ABLIM2: variants seen among roughly 807,000 people sequenced by gnomAD.
ABLIM2 encodes the protein actin-binding LIM protein 2.
In ABLIM2, 53 loss-of-function variants were observed where a neutral mutation model predicts 97.7. That is an observed-to-expected ratio of 0.54 (90% confidence interval 0.44 to 0.68). The LOEUF is 0.68. ABLIM2 is among the 30% of genes least tolerant of loss of function. The probability of loss-of-function intolerance (pLI) is 0.00; values close to 1 mark genes in which losing one functional copy is unlikely to be tolerated. For missense variants in ABLIM2, 835 were observed against 867.2 expected, an observed-to-expected ratio of 0.96 and a Z score of 0.47; for synonymous variants, 361 against 345.8, an observed-to-expected ratio of 1.04 and a Z score of -0.49.
At position 8,033,762 on chromosome 4, in the gene ABLIM2, C is replaced by T. The variant is rs1782491686; in HGVS notation, c.1047+2387G>A. ...CAGATGTCCTGCCATTTGAGAGGCG[C>T]AGCCCCAGAGAGGCTGAAAGAAACC... On this transcript the variant is annotated intron_variant, in intron 10 of 20. Transcript: ENST00000447017. This position sits in a 1 kb window ranked among gnomAD's most constrained non-coding sequence, Gnocchi z 4.5. 6.6e-6 allele frequency among the ~76,000 whole-genome samples: 1 copy of T among 152,234 alleles called. No homozygotes were observed. The highest frequency in any genetic ancestry group is 1.5e-5 in the Non-Finnish European group (1 of 68,042).
rs749897170 is a variant in ABLIM2 at position 8,044,770 on chromosome 4, G to A, written c.900+394C>T. ...TAGGGAACACGCTGGGAGAGCGTGC[G>A]TGTTGATGTACACAGATCCGTGCCG... is the stretch of plus-strand genomic sequence containing the variant. On this transcript the variant is annotated intron_variant, in intron 9 of 20. Coordinates refer to ENST00000447017, the MANE Select transcript of ABLIM2 (RefSeq NM_001130083.2). The surrounding 1 kb of genome is among the most constrained non-coding windows in gnomAD (Gnocchi z 4.4). 3.3e-5 allele frequency among the ~76,000 whole-genome samples: 5 copies of A among 152,062 alleles called. No homozygotes were observed. Among genetic ancestry groups the A allele is most frequent in the Non-Finnish European group, 7.3e-5 (5 of 68,036 alleles).
chr4:8,086,975 C>T (rs550438878), intron 4 of ABLIM2, among the ~76,000 whole-genome samples: 2 of 152,160 alleles, frequency 1.3e-5, no homozygotes, highest in East Asian at 3.9e-4. Flanking sequence ...TGCTTTGGCT[C>T]ACAGAGTCAA....
At position 8,148,903 on chromosome 4, in the gene ABLIM2, C is replaced by T. The variant is rs557201266; in HGVS notation, c.10+9777G>A. The stretch of plus-strand genomic sequence containing the variant: ...AAGAAACCTGGGCTCCGCAGGCACC[C>T]GGGAGATCAGGCCACGCCAGGACCC... On this transcript the variant is annotated intron_variant, in intron 1 of 20. Coordinates refer to ENST00000447017, the MANE Select transcript of ABLIM2 (RefSeq NM_001130083.2). The surrounding 1 kb of genome is among the most constrained non-coding windows in gnomAD (Gnocchi z 6.7). 3.9e-5 allele frequency among the ~76,000 whole-genome samples: 6 copies of T among 152,302 alleles called. No homozygotes were observed. The highest frequency in any genetic ancestry group is 2.1e-4 in the South Asian group (1 of 4,818).
chr4:8,133,061 C>T lies in ABLIM2; in HGVS notation c.10+25619G>A, dbSNP rs1374265250. On this transcript the variant is annotated intron_variant, in intron 1 of 20. Coordinates refer to ENST00000447017, the MANE Select transcript of ABLIM2 (RefSeq NM_001130083.2). ...GGGGCTCTGGGAAGGACCTTCCTGG[C>T]CTCTTCCCGCTTCTGCTGGCAGCCG... Among the ~76,000 whole-genome samples, 3 of 152,156 alleles carry T rather than the reference C, an allele frequency of 2.0e-5. No individual in the cohort carries two copies. In the East Asian group the frequency reaches 5.8e-4, roughly 29 times the overall value.
Position 8,149,059 on chromosome 4 carries a change from G to A in ABLIM2, c.10+9621C>T, listed in dbSNP as rs1711639362. On this transcript the variant is annotated intron_variant, in intron 1 of 20. Coordinates refer to ENST00000447017, the MANE Select transcript of ABLIM2 (RefSeq NM_001130083.2). This position sits in a 1 kb window ranked among gnomAD's most constrained non-coding sequence, Gnocchi z 6.4. ...GCAGATCCAGCCAGAGTGTGAAGGG[G>A]TCTGTAGGGCTGGGGCCATCTGGAG... 1.3e-5 allele frequency among the ~76,000 whole-genome samples: 2 copies of A among 152,184 alleles called. No homozygotes were observed. The highest frequency in any genetic ancestry group is 1.3e-4 in the Admixed American group (2 of 15,290).
chr4:8,030,000 C>G (rs1560761973), intron 10 of ABLIM2, among the ~76,000 whole-genome samples: 1 of 152,190 alleles, frequency 6.6e-6, no homozygotes. Flanking sequence ...GGATCCTTGC[C>G]ACAGGGTGTG....
At chr4:7,974,595 T>C (rs1237135959) in intron 20 of ABLIM2, among the ~76,000 whole-genome samples, 25 of 6,092 alleles carry the variant, frequency 4.1e-3, no homozygotes, top group East Asian at 0.011. Flanking sequence ...ATCCATCCAA[T>C]CCTACCATCC....
intron 20 of ABLIM2, among the ~76,000 whole-genome samples, chr4:7,968,986 G>A (rs185956796): frequency 1.6e-3 from 244 of 151,930 alleles, no homozygotes; most frequent in Non-Finnish European, 2.4e-3. Context: ...ACAAAAATTA[G>A]CCAGGCATGG....
rs749290556 is a variant in ABLIM2, at chr4:8,067,626, G to T, written c.676-6572C>A. 6.6e-6 allele frequency: 1 copy of T among 152,344 alleles called. No individual in the cohort carries two copies. Among genetic ancestry groups the T allele is most frequent in the Non-Finnish European group, 1.5e-5 (1 of 68,106 alleles). 9.4% of individuals were successfully genotyped at this position (152,344 alleles called of 1,614,324 possible). Reference sequence around the variant, plus strand: ...TCTGGAACAATCCACCCATGGTGGAGGGGCAGGGCTGGAGGGCCTGTGTCT... The same window carrying T: ...TCTGGAACAATCCACCCATGGTGGATGGGCAGGGCTGGAGGGCCTGTGTCT... On this transcript the variant is annotated intron_variant, in intron 6 of 20. Coordinates refer to ENST00000447017, the MANE Select transcript of ABLIM2 (RefSeq NM_001130083.2). This position sits in a 1 kb window ranked among gnomAD's most constrained non-coding sequence, Gnocchi z 5.4.
At chr4:8,093,166 A>T (rs1326968180) in intron 3 of ABLIM2, among the ~76,000 whole-genome samples, 1 of 152,126 alleles carries the variant, frequency 6.6e-6, no homozygotes, top group African/African-American at 2.4e-5. Context: ...CCCATTTTTA[A>T]CAGTATTTTG....
intron 5 of ABLIM2, among the ~76,000 whole-genome samples, chr4:8,079,452 CG>C (rs1276372802): frequency 6.6e-6 from 1 of 152,176 alleles, no homozygotes; most frequent in African/African-American, 2.4e-5. Flanking sequence ...TGCACCACAC[CG>C]GGCGGTCCCT....
chr4:8,028,272 G>A (rs1005015769), intron 11 of ABLIM2, among the ~76,000 whole-genome samples: 1 of 152,192 alleles, frequency 6.6e-6, no homozygotes, highest in South Asian at 2.1e-4. Context: ...TGGGCCAAGC[G>A]CAGTCAACAA....
rs1299401755 is a variant in ABLIM2 at position 8,072,106 on chromosome 4, G to A, written c.675+5522C>T. On this transcript the variant is annotated intron_variant, in intron 6 of 20. Coordinates refer to ENST00000447017, the MANE Select transcript of ABLIM2 (RefSeq NM_001130083.2). The surrounding 1 kb of genome is among the most constrained non-coding windows in gnomAD (Gnocchi z 5.8). ...ACAGACTCGCCTCCCCGGCAGAGGC[G>A]AAAACAAAAGCATTAATCTTCCCCA... 2.7e-5 allele frequency: 26 copies of A among 974,438 alleles called. No homozygotes were observed. Among genetic ancestry groups the A allele is most frequent in the Admixed American group, 1.2e-4 (2 of 16,254 alleles). 60.4% of individuals were successfully genotyped at this position (974,438 alleles called of 1,614,324 possible). A position where few individuals can be genotyped will look rare whatever the true frequency, so the allele number is the denominator to read the frequency against.
In ABLIM2 at chr4:8,019,669, T is replaced by C. The variant is rs144297153; in HGVS notation, c.1372A>G (p.Thr458Ala). 18 of 1,611,996 alleles carry C rather than the reference T, an allele frequency of 1.1e-5. No homozygotes were observed. The highest frequency in any genetic ancestry group is 3.3e-4 in the Middle Eastern group (2 of 6,056). Reference protein sequence around the residue: ...QAPRHFHVPDTGVKDNIYRKP... With the variant: ...QAPRHFHVPDAGVKDNIYRKP... ...CTATAGATGTTATCTTTTACGCCAGTGTCTGGGGAAGAAGAAAGAAAAAAA... is the reference window on the plus strand; with the variant it reads ...CTATAGATGTTATCTTTTACGCCAGCGTCTGGGGAAGAAGAAAGAAAAAAA... The change falls in exon 14 of 21, where the codon ACT becomes GCT. Residue 458 changes from threonine (T) to alanine (A), a missense_variant and splice_region_variant. By Grantham distance (58) the Thr-to-Ala change is moderately conservative. Transcript: ENST00000447017. The surrounding 1 kb of genome is among the most constrained non-coding windows in gnomAD (Gnocchi z 4.3).
chr4:8,132,946 C>T lies in ABLIM2; in HGVS notation c.10+25734G>A, dbSNP rs1243951502. 6.6e-6 allele frequency among the ~76,000 whole-genome samples: 1 copy of T among 152,184 alleles called. No individual in the cohort carries two copies. The highest frequency in any genetic ancestry group is 1.5e-5 in the Non-Finnish European group (1 of 68,036). On this transcript the variant is annotated intron_variant, in intron 1 of 20. Coordinates refer to ENST00000447017, the MANE Select transcript of ABLIM2 (RefSeq NM_001130083.2). This position sits in a 1 kb window ranked among gnomAD's most constrained non-coding sequence, Gnocchi z 8.0. ...CCGTGGCTGCTGTGACACAGTGCCA[C>T]AGACGGCAGCTTAACAACAGGCATT...
intron 2 of ABLIM2, 140 bp downstream of exon 2, chr4:8,106,354 T>G (rs1837397829): frequency 1.7e-6 from 2 of 1,202,906 alleles, no homozygotes; most frequent in Non-Finnish European, 2.3e-6. Flanking sequence ...GATCCCACTC[T>G]CCTCTGAAGA....
intron 16 of ABLIM2, among the ~76,000 whole-genome samples, chr4:7,995,955 C>A (rs528229476): frequency 6.6e-6 from 1 of 152,214 alleles, no homozygotes; most frequent in South Asian, 2.1e-4. Context: ...GGTCACCCAG[C>A]CAGGTAGCGG....
chr4:8,007,075 T>C, intron 16 of ABLIM2: 2 of 985,468 alleles, frequency 2.0e-6, no homozygotes, highest in South Asian at 4.7e-5. Flanking sequence ...CAAGCTTCTG[T>C]GTCTTCACTC....
intron 18 of ABLIM2, among the ~76,000 whole-genome samples, chr4:7,983,998 C>T (rs7686387): frequency 0.069 from 10,525 of 152,286 alleles, 386 homozygotes; most frequent in Non-Finnish European, 0.079. Flanking sequence ...ATTAACTCTA[C>T]ATTTTCTCTT....
Sources: gnomAD v4.1 joint callset for allele counts (sites outside exome capture counted in the v4.1 genomes callset) on GRCh38, gnomAD v4.1.1 for gene constraint, Gnocchi (gnomAD v3.1) non-coding constraint, MANE v1.5 for transcripts, NCBI Gene and HGNC (gene_info 2026-07-23, HGNC 2026-07-21) for gene names.